SUGCT: variants seen among roughly 807,000 people sequenced by gnomAD.
SUGCT encodes the protein succinyl-CoA:glutarate CoA-transferase.
A neutral mutation model predicts 55.0 loss-of-function variants in SUGCT; 41 were observed. The ratio of observed to expected loss-of-function variants is 0.74; its 90% CI spans 0.58 to 0.97. SUGCT has a LOEUF of 0.97. Ranked by LOEUF, SUGCT falls within the 50% of genes least tolerant of loss-of-function variation. The pLI is 0.00. For synonymous variants in SUGCT, 187 were observed against 200.4 expected (o/e 0.93, Z 0.56); for missense variants, 568 against 547.8 (o/e 1.04, Z -0.37).
intron 12 of SUGCT, among the ~76,000 whole-genome samples, chr7:40,647,705 G>C (rs1800589737): frequency 6.6e-6 from 1 of 151,932 alleles, no homozygotes; most frequent in East Asian, 1.9e-4. Context: ...ACAAAAATTA[G>C]CCAGGCATGG....
chr7:40,549,567 A>T (rs1290918587), intron 12 of SUGCT, among the ~76,000 whole-genome samples: 1 of 152,184 alleles, frequency 6.6e-6, no homozygotes, highest in Non-Finnish European at 1.5e-5. Flanking sequence ...GTGGTGATGC[A>T]GTCAGACATT....
intron 5 of SUGCT, among the ~76,000 whole-genome samples, chr7:40,191,371 C>A (rs1490596437): frequency 6.6e-6 from 1 of 152,154 alleles, no homozygotes; most frequent in Non-Finnish European, 1.5e-5. Context: ...TCTGCTGCTG[C>A]TTTATGTTCT....
intron 12 of SUGCT, among the ~76,000 whole-genome samples, chr7:40,566,481 C>T (rs1472866058): frequency 1.3e-5 from 2 of 152,150 alleles, no homozygotes; most frequent in African/African-American, 2.4e-5. Context: ...TTTATTGTTT[C>T]AATCAAAATG....
At chr7:40,171,719 T>C (rs1325200386) in intron 1 of SUGCT, among the ~76,000 whole-genome samples, 1 of 152,186 alleles carries the variant, frequency 6.6e-6, no homozygotes, top group Non-Finnish European at 1.5e-5. Context: ...CCATTACTGA[T>C]TGAATGCATT....
chr7:40,279,879 A>G (rs986324405), intron 8 of SUGCT, among the ~76,000 whole-genome samples: 7 of 152,180 alleles, frequency 4.6e-5, no homozygotes, highest in Non-Finnish European at 1.0e-4. Context: ...TTTAATATAA[A>G]TGTTCACCTG....
chr7:40,189,676 C>A, intron 5 of SUGCT, 82 bp downstream of exon 5: 1 of 697,716 alleles, frequency 1.4e-6, no homozygotes, highest in Non-Finnish European at 2.2e-6. Context: ...TGTTTTAAAA[C>A]TCAATTTTAT....
In SUGCT at chr7:40,578,536, A is replaced by G. The variant is rs184671336; in HGVS notation, c.1089+82150A>G. Among the ~76,000 whole-genome samples, 33 of 151,604 alleles carry G rather than the reference A, an allele frequency of 2.2e-4. No individual in the cohort carries two copies. The East Asian group carries it at 6.2e-3, about 28-fold the overall frequency. On this transcript the variant is annotated intron_variant, in intron 12 of 13. Coordinates refer to ENST00000335693, the MANE Select transcript of SUGCT (RefSeq NM_001193313.2). ...TCATTGGAAGAGTTTGGTACTAGCT[A>G]TTCCTTCACCTGGAACATTTTTCCT... is the stretch of plus-strand genomic sequence containing the variant.
At chr7:40,269,731 C>T (rs890133816) in intron 7 of SUGCT, among the ~76,000 whole-genome samples, 2 of 152,100 alleles carry the variant, frequency 1.3e-5, no homozygotes, top group African/African-American at 2.4e-5. Flanking sequence ...AGCATCTTTA[C>T]GTGTGTTTAA....
At chr7:40,769,127 C>A (rs946776778) in intron 13 of SUGCT, among the ~76,000 whole-genome samples, 20 of 152,064 alleles carry the variant, frequency 1.3e-4, no homozygotes, top group African/African-American at 7.2e-5. Flanking sequence ...GAGTATTGAC[C>A]TTCCTGGCAA....
chr7:40,941,330 A>G, the SUGCT span, among the ~76,000 whole-genome samples: 1 of 151,730 alleles, frequency 6.6e-6, no homozygotes, highest in Non-Finnish European at 1.5e-5. Context: ...TTCATTGTCA[A>G]CCCCAAAATC....
chr7:40,439,064 G>GTGTGTGTATATATATA (rs1283539157), intron 9 of SUGCT, among the ~76,000 whole-genome samples: 2 of 27,194 alleles, frequency 7.4e-5, no homozygotes, highest in Admixed American at 4.4e-4. Flanking sequence ...TATATATGGT[G>GTGTGTGTATATATATA]TATATATATA....
chr7:40,410,259 CAA>C (rs1444051025), intron 9 of SUGCT, among the ~76,000 whole-genome samples: 1 of 152,004 alleles, frequency 6.6e-6, no homozygotes, highest in Non-Finnish European at 1.5e-5. Flanking sequence ...TTAGTTTTTT[CAA>C]TTATTACTTT....
At chr7:40,439,541 A>C (rs1303898744) in intron 9 of SUGCT, among the ~76,000 whole-genome samples, 1 of 152,186 alleles carries the variant, frequency 6.6e-6, no homozygotes, top group Non-Finnish European at 1.5e-5. Context: ...GATGATAGAG[A>C]AAGTCACTCA....
intron 9 of SUGCT, among the ~76,000 whole-genome samples, chr7:40,431,209 C>T (rs1331434525): frequency 6.7e-6 from 1 of 150,320 alleles, no homozygotes; most frequent in Non-Finnish European, 1.5e-5. Flanking sequence ...CCCATTTTGT[C>T]TTCTCTGTGC....
At chr7:40,874,124 A>G in the SUGCT span, among the ~76,000 whole-genome samples, 5 of 152,272 alleles carry the variant, frequency 3.3e-5, no homozygotes, top group African/African-American at 1.2e-4. Context: ...TTACATGGCA[A>G]TAGATTGGAA....
At chr7:40,933,452 T>C in the SUGCT span, among the ~76,000 whole-genome samples, 2 of 152,224 alleles carry the variant, frequency 1.3e-5, no homozygotes, top group East Asian at 1.9e-4. Context: ...TGGCATTCTC[T>C]GTATTTCCTG....
At chr7:40,572,628 G>A (rs6978599) in intron 12 of SUGCT, among the ~76,000 whole-genome samples, 79,345 of 152,004 alleles carry the variant, frequency 0.52, 22,603 homozygotes, top group South Asian at 0.71. Context: ...GAAGCGTTTG[G>A]GGTAAATCCT....
intron 8 of SUGCT, among the ~76,000 whole-genome samples, chr7:40,278,921 G>A (rs1024650075): frequency 1.3e-5 from 2 of 151,652 alleles, no homozygotes; most frequent in Non-Finnish European, 2.9e-5. Flanking sequence ...CGAACTCCTG[G>A]GCTCAAACAA....
intron 9 of SUGCT, among the ~76,000 whole-genome samples, chr7:40,366,105 C>T (rs868620382): frequency 2.6e-5 from 4 of 151,996 alleles, no homozygotes; most frequent in South Asian, 2.1e-4. Flanking sequence ...TCAGAAATAA[C>T]GCCACATATC....
Sources: gnomAD v4.1 joint callset for allele counts (sites outside exome capture counted in the v4.1 genomes callset) on GRCh38, gnomAD v4.1.1 for gene constraint, MANE v1.5 for transcripts, NCBI Gene and HGNC (gene_info 2026-07-23, HGNC 2026-07-21) for gene names.